The following DACH1 variants were observed in gnomAD, a reference collection of about 807,000 sequenced individuals.
DACH1 encodes the protein dachshund family transcription factor 1.
DACH1 carries 12 observed loss-of-function variants against 54.2 expected under a neutral mutation model. The observed-to-expected ratio is 0.22, with a 90% CI of 0.14 to 0.36. The LOEUF (loss-of-function observed/expected upper bound fraction) is 0.36. Ranked by LOEUF, DACH1 falls within the 10% of genes least tolerant of loss-of-function variation. The probability of loss-of-function intolerance (pLI) is 1.00; values close to 1 mark genes in which losing one functional copy is unlikely to be tolerated. For missense variants in DACH1, 805 were observed against 929.8 expected (o/e 0.87, Z 1.75); for synonymous variants, 386 against 366.2 (o/e 1.05, Z -0.62).
At chr13:71,573,723 T>A (rs1329555956) in intron 3 of DACH1, 1 of 460,552 alleles carries the variant, frequency 2.2e-6, no homozygotes, top group Non-Finnish European at 3.9e-6. Context: ...AAATTTCCCC[T>A]AAGCTGCACA....
chr13:71,733,481 T>C (rs754512269), intron 1 of DACH1, among the ~76,000 whole-genome samples: 4 of 152,174 alleles, frequency 2.6e-5, no homozygotes, highest in Non-Finnish European at 4.4e-5. Flanking sequence ...ACACCTGGCC[T>C]ATTACTGCTA....
At chr13:71,703,176 A>G (rs720058) in intron 1 of DACH1, among the ~76,000 whole-genome samples, 134,421 of 152,264 alleles carry the variant, frequency 0.88, 60,043 homozygotes, top group African/African-American at 0.94. Context: ...GCCATGTATT[A>G]TTCACAATTA....
intron 1 of DACH1, among the ~76,000 whole-genome samples, chr13:71,762,292 T>C (rs903170320): frequency 2.0e-5 from 3 of 152,148 alleles, no homozygotes; most frequent in Non-Finnish European, 2.9e-5. Context: ...AGGCCTACAG[T>C]GTCTTAGTCC....
intron 6 of DACH1, among the ~76,000 whole-genome samples, chr13:71,553,565 C>T (rs1315565611): frequency 7.0e-6 from 1 of 142,878 alleles, no homozygotes; most frequent in East Asian, 2.0e-4. Flanking sequence ...ATATATATAA[C>T]ATTTTGTTTT....
intron 10 of DACH1, among the ~76,000 whole-genome samples, chr13:71,456,179 C>A (rs1233268188): frequency 6.6e-6 from 1 of 151,980 alleles, no homozygotes; most frequent in Non-Finnish European, 1.5e-5. Flanking sequence ...CACAAGATTG[C>A]CAAACTTCTT....
chr13:71,654,473 AT>A (rs1878948111), intron 2 of DACH1, among the ~76,000 whole-genome samples: 1 of 126,070 alleles, frequency 7.9e-6, no homozygotes, highest in Admixed American at 8.6e-5. Flanking sequence ...ATAAAATAAA[AT>A]AAAATAAAAT....
chr13:71,501,212 C>G lies in DACH1; in HGVS notation c.1571-12064G>C, dbSNP rs563035987. On this transcript the variant is annotated intron_variant, in intron 6 of 10. Transcript: ENST00000613252. ...CTCTTCGGGCGCACTTTCCCAGGAC[C>G]TCCTGAGACTGTGTAACACGAGGCT... Among the ~76,000 whole-genome samples, 6 of 152,262 alleles carry G rather than the reference C, an allele frequency of 3.9e-5. No homozygotes were observed. The South Asian group carries it at 1.2e-3, about 32-fold the overall frequency.
chr13:71,566,704 T>C (rs949295153), intron 4 of DACH1, among the ~76,000 whole-genome samples: 1 of 152,184 alleles, frequency 6.6e-6, no homozygotes, highest in Admixed American at 6.5e-5. Context: ...GTGGTTGTGT[T>C]GTAATACTTT....
chr13:71,671,246 GGA>G (rs1471394217), intron 2 of DACH1, among the ~76,000 whole-genome samples: 2 of 151,684 alleles, frequency 1.3e-5, no homozygotes, highest in African/African-American at 4.8e-5. Context: ...TGAAAGAAAG[GGA>G]GAGAGGACAA....
chr13:71,586,852 C>T lies in DACH1; in HGVS notation c.1127-13840G>A, dbSNP rs151098201. On this transcript the variant is annotated intron_variant, in intron 3 of 10. Transcript: ENST00000613252. ...TAGGTTTCTCACATGTAAAATAATA[C>T]CCAATGTGATTATTTTCATTTGTAT... Among the ~76,000 whole-genome samples the T allele has an allele frequency of 6.3e-3, 961 of 152,038 alleles. 11 individuals are homozygous for T. The highest frequency in any genetic ancestry group is 0.022 in the African/African-American group (896 of 41,478).
intron 3 of DACH1, among the ~76,000 whole-genome samples, chr13:71,624,697 A>G (rs1187690092): frequency 1.3e-5 from 2 of 151,974 alleles, no homozygotes. Context: ...ATTGAACTGG[A>G]GACATTTTTA....
chr13:71,822,073 A>G (rs1275221429), intron 1 of DACH1, among the ~76,000 whole-genome samples: 3 of 152,114 alleles, frequency 2.0e-5, no homozygotes, highest in African/African-American at 7.2e-5. Context: ...AAAGAAAAGA[A>G]AAGACAAAGA....
At chr13:71,864,164 AGCGC>A (rs139243818) in intron 1 of DACH1, among the ~76,000 whole-genome samples, 12,977 of 112,212 alleles carry the variant, frequency 0.12, 856 homozygotes, top group South Asian at 0.18. Context: ...CATACTTTTG[AGCGC>A]GCGCGCGCAC....
chr13:71,832,402 T>C (rs1282999307), intron 1 of DACH1, among the ~76,000 whole-genome samples: 1 of 151,894 alleles, frequency 6.6e-6, no homozygotes, highest in Non-Finnish European at 1.5e-5. Flanking sequence ...CTAAAATGCA[T>C]GGGGCCTGCA....
chr13:71,638,415 G>A (rs771366254), intron 2 of DACH1, among the ~76,000 whole-genome samples: 10 of 152,122 alleles, frequency 6.6e-5, no homozygotes, highest in South Asian at 6.2e-4. Flanking sequence ...GGTGTGAAGC[G>A]GATTCTCCAG....
At chr13:71,499,995 A>G (rs1376238585) in intron 6 of DACH1, among the ~76,000 whole-genome samples, 4 of 152,154 alleles carry the variant, frequency 2.6e-5, no homozygotes. Flanking sequence ...GTCTGAGTTA[A>G]TGATTAAAAA....
chr13:71,687,097 T>C (rs1490174797), intron 1 of DACH1, among the ~76,000 whole-genome samples: 1 of 152,220 alleles, frequency 6.6e-6, no homozygotes, highest in Non-Finnish European at 1.5e-5. Context: ...CAAGAGTTCA[T>C]TGGCCCTCTC....
chr13:71,689,396 G>T (rs1204924759), intron 1 of DACH1, among the ~76,000 whole-genome samples: 1 of 152,136 alleles, frequency 6.6e-6, no homozygotes, highest in Non-Finnish European at 1.5e-5. Flanking sequence ...GGGTCAAAGG[G>T]AAAGGTTTAC....
intron 1 of DACH1, among the ~76,000 whole-genome samples, chr13:71,735,835 T>C (rs993470038): frequency 3.3e-5 from 5 of 152,092 alleles, no homozygotes; most frequent in African/African-American, 1.2e-4. Context: ...ATAATTAATC[T>C]ATTTTTATAA....
Sources: gnomAD v4.1 joint callset for allele counts (sites outside exome capture counted in the v4.1 genomes callset) on GRCh38, gnomAD v4.1.1 for gene constraint, MANE v1.5 for transcripts, NCBI Gene and HGNC (gene_info 2026-07-23, HGNC 2026-07-21) for gene names.